The following IL16 variants were observed in gnomAD, a reference collection of about 807,000 sequenced individuals.
The protein encoded by IL16 is interleukin 16, also known as pro-interleukin-16.
Under a neutral mutation model 110.1 loss-of-function variants are expected in IL16, and 67 were observed. The ratio of observed to expected loss-of-function variants is 0.61; its 90% CI spans 0.50 to 0.75. The LOEUF is 0.75. Among genes scored for constraint, IL16 ranks in the 30% least tolerant of loss-of-function variants. The probability of loss-of-function intolerance (pLI) is 0.00; values close to 1 mark genes in which losing one functional copy is unlikely to be tolerated. For missense variants in IL16, 1,545 were observed against 1,655.0 expected, an observed-to-expected ratio of 0.93 and a Z score of 1.15; for synonymous variants, 689 against 662.9, an observed-to-expected ratio of 1.04 and a Z score of -0.61.
At chr15:81,189,896 A>C (rs1895472391) in intron 1 of IL16, among the ~76,000 whole-genome samples, 1 of 152,228 alleles carries the variant, frequency 6.6e-6, no homozygotes, top group African/African-American at 2.4e-5. Context: ...AATCTTTAAA[A>C]ATGTTGCTTT....
chr15:81,298,928 A>C (rs967929299), intron 13 of IL16, among the ~76,000 whole-genome samples: 5 of 152,326 alleles, frequency 3.3e-5, no homozygotes, highest in East Asian at 1.9e-4. Context: ...CCAACTCATG[A>C]CCTTTGTCTT....
At chr15:81,223,919 A>G (rs1896702046) in intron 1 of IL16, among the ~76,000 whole-genome samples, 1 of 152,240 alleles carries the variant, frequency 6.6e-6, no homozygotes, top group Non-Finnish European at 1.5e-5. Flanking sequence ...ATGGAAGGAC[A>G]TGGAGTACAA....
chr15:81,209,587 AAGGG>A (rs1896160154), intron 1 of IL16, among the ~76,000 whole-genome samples: 1 of 152,082 alleles, frequency 6.6e-6, no homozygotes, highest in Non-Finnish European at 1.5e-5. Context: ...AATTCTAAGC[AAGGG>A]AGGGTTTCAG....
chr15:81,252,350 T>A (rs116236455), intron 2 of IL16, among the ~76,000 whole-genome samples: 2 of 152,192 alleles, frequency 1.3e-5, no homozygotes, highest in African/African-American at 4.8e-5. Flanking sequence ...GAAAGTTTCA[T>A]GGGTAGCATT....
intron 1 of IL16, among the ~76,000 whole-genome samples, chr15:81,198,471 A>G (rs1017617439): frequency 2.6e-5 from 4 of 152,178 alleles, no homozygotes; most frequent in East Asian, 1.9e-4. Flanking sequence ...TCATATATCC[A>G]TAGGGTTAAA....
intron 1 of IL16, among the ~76,000 whole-genome samples, chr15:81,202,708 T>C (rs543054433): frequency 6.6e-6 from 1 of 152,374 alleles, no homozygotes; most frequent in Non-Finnish European, 1.5e-5. Context: ...CCACATTTTC[T>C]TAATCCAGTC....
At chr15:81,302,211 G>T (rs932659672) in intron 15 of IL16, 1 of 152,256 alleles carries the variant, frequency 6.6e-6, no homozygotes. Context: ...TCCATACAAG[G>T]AGGCCTCATA....
chr15:81,231,650 A>T (rs370520915), intron 2 of IL16, among the ~76,000 whole-genome samples: 13 of 152,198 alleles, frequency 8.5e-5, no homozygotes, highest in East Asian at 3.8e-4. Flanking sequence ...TGGGATTACA[A>T]GAGTGAGCCA....
chr15:81,291,166 G>A (rs80076356), intron 11 of IL16, among the ~76,000 whole-genome samples: 2,778 of 152,270 alleles, frequency 0.018, 82 homozygotes, highest in African/African-American at 0.064. Context: ...CCTTATGAAA[G>A]AACAACATGC....
chr15:81,262,393 C>T (rs1898193096), intron 3 of IL16, among the ~76,000 whole-genome samples: 2 of 152,010 alleles, frequency 1.3e-5, no homozygotes, highest in African/African-American at 4.8e-5. Context: ...ATATATACTT[C>T]TAATTTGTAA....
chr15:81,214,170 G>C (rs184205084), intron 1 of IL16, among the ~76,000 whole-genome samples: 11 of 152,196 alleles, frequency 7.2e-5, no homozygotes, highest in Admixed American at 5.2e-4. Context: ...AAGGATTTTA[G>C]CTTTCTTTCA....
rs368671784 is a variant in IL16, at chr15:81,292,848, G to C, written c.1713G>C (p.Glu571Asp). Reference protein sequence around the residue: ...RLPQESPPLPESRDSHPPLRL... With the variant: ...RLPQESPPLPDSRDSHPPLRL... ...CCCAGGAGAGCCCACCCCTCCCAGA[G>C]AGCCGGGACAGCCACCCGCCGCTGA... Residue 571 changes from glutamate (E) to aspartate (D), a missense_variant, in exon 12 of 19, where the codon GAG (glutamate) becomes GAC (aspartate). Glu to Asp is a conservative substitution (Grantham distance 45). Around this residue, in one of 3 missense-constraint regions of IL16, gnomAD observed 1,185 missense variants for 1,238.8 expected, o/e 0.96. Coordinates refer to ENST00000683961, the MANE Select transcript of IL16 (RefSeq NM_172217.5). 36 of 1,613,874 alleles carry C rather than the reference G, an allele frequency of 2.2e-5. No homozygotes were observed. The highest frequency in any genetic ancestry group is 1.0e-4 in the Admixed American group (6 of 60,004).
rs1898916093 is a variant in IL16, at chr15:81,276,485, T to C, written c.791-2332T>C. On this transcript the variant is annotated intron_variant, in intron 6 of 18. Transcript: ENST00000683961. ...GAGGGGACAGAGCCTTGGGTCCATG[T>C]GAGGCTCTGAGAACCTGCACACAGC... Among the ~76,000 whole-genome samples the C allele has an allele frequency of 2.6e-5, 4 of 152,318 alleles. No individual in the cohort carries two copies. The South Asian group carries it at 8.3e-4, about 32-fold the overall frequency.
chr15:81,245,681 C>T (rs1253329955), intron 2 of IL16, among the ~76,000 whole-genome samples: 1 of 147,206 alleles, frequency 6.8e-6, no homozygotes, highest in Non-Finnish European at 1.5e-5. Context: ...CTGAACAGTC[C>T]CTTCATGGTC....
intron 1 of IL16, among the ~76,000 whole-genome samples, chr15:81,199,483 G>T (rs776536901): frequency 2.0e-5 from 3 of 152,218 alleles, no homozygotes; most frequent in Non-Finnish European, 4.4e-5. Flanking sequence ...TTTGCTTTGA[G>T]TGGGAGCAAC....
At chr15:81,243,729 CTTAATAGTTA>C (rs545183941) in intron 2 of IL16, among the ~76,000 whole-genome samples, 62 of 152,222 alleles carry the variant, frequency 4.1e-4, no homozygotes, top group Admixed American at 3.1e-3. Flanking sequence ...ATTCAATGTT[CTTAATAGTTA>C]TAGAACTATT....
At chr15:81,271,446 C>T (rs1003900179) in intron 5 of IL16, among the ~76,000 whole-genome samples, 6 of 152,062 alleles carry the variant, frequency 3.9e-5, no homozygotes, top group African/African-American at 1.4e-4. Context: ...GCACTCCAGT[C>T]TGGGCAGCAG....
chr15:81,292,576 A>G lies in IL16; in HGVS notation c.1441A>G (p.Ser481Gly). The G allele has an allele frequency of 6.2e-7, 1 of 1,606,094 alleles. No homozygotes were observed. Among genetic ancestry groups the G allele is most frequent in the Non-Finnish European group, 8.5e-7 (1 of 1,173,626 alleles). ...CACAGGTGTCAAAAGGCTGGAAAGCAGTTGGCACGGGCGGCCCACCTTGGA... is the reference window on the plus strand; with the variant it reads ...CACAGGTGTCAAAAGGCTGGAAAGCGGTTGGCACGGGCGGCCCACCTTGGA... Reference protein sequence around the residue: ...SLEGVKRLESSWHGRPTLEKE... With the variant: ...SLEGVKRLESGWHGRPTLEKE... The change falls in exon 12 of 19, where the codon AGT (serine) becomes GGT (glycine). Residue 481 changes from serine (S) to glycine (G), a missense_variant. Transcript: ENST00000683961.
intron 1 of IL16, among the ~76,000 whole-genome samples, chr15:81,211,257 T>C (rs1783542711): frequency 6.6e-6 from 1 of 151,424 alleles, no homozygotes; most frequent in Admixed American, 6.6e-5. Context: ...TTCTTTCTTT[T>C]TTTTTTTTTG....
Sources: allele counts gnomAD v4.1 joint callset (sites outside exome capture counted in the v4.1 genomes callset), GRCh38; gene constraint gnomAD v4.1.1; regional missense constraint gnomAD v4.1.1; transcripts MANE v1.5; gene names NCBI Gene and HGNC (gene_info 2026-07-23, HGNC 2026-07-21).